Variants in AP1G1 observed in about 807,000 individuals in gnomAD.
The protein encoded by AP1G1 is AP-1 complex subunit gamma-1.
Under a neutral mutation model 108.3 loss-of-function variants are expected in AP1G1, and 7 were observed. That is an observed-to-expected ratio of 0.06 (90% CI 0.04 to 0.12). The LOEUF (loss-of-function observed/expected upper bound fraction) is 0.12, where lower values mean the gene tolerates loss of function less well. Among genes scored for constraint, AP1G1 ranks in the 10% least tolerant of loss-of-function variants. The pLI is 1.00. For missense variants in AP1G1, 756 were observed against 1,010.7 expected, an observed-to-expected ratio of 0.75 and a Z score of 3.42; for synonymous variants, 379 against 353.5, an observed-to-expected ratio of 1.07 and a Z score of -0.81.
At chr16:71,782,255 C>G (rs1335440352) in intron 2 of AP1G1, among the ~76,000 whole-genome samples, 1 of 151,978 alleles carries the variant, frequency 6.6e-6, no homozygotes, top group Non-Finnish European at 1.5e-5. Context: ...CCTCCGCCTC[C>G]CAGGTTCAAG....
intron 2 of AP1G1, among the ~76,000 whole-genome samples, chr16:71,775,272 T>C (rs1396026506): frequency 6.6e-6 from 1 of 151,376 alleles, no homozygotes; most frequent in Non-Finnish European, 1.5e-5. Flanking sequence ...CCACAGATGA[T>C]TCGCCCGCCT....
chr16:71,744,877 G>A (rs2030090194), intron 19 of AP1G1, among the ~76,000 whole-genome samples: 2 of 152,054 alleles, frequency 1.3e-5, no homozygotes, highest in Non-Finnish European at 2.9e-5. Flanking sequence ...CGCCCAGCCA[G>A]GAAAAGTAGT....
At chr16:71,758,280 C>T in intron 11 of AP1G1, 1 of 376,420 alleles carries the variant, frequency 2.7e-6, no homozygotes, top group Admixed American at 3.1e-5. Flanking sequence ...AGAATTACTC[C>T]ACTGAGGGAA....
intron 2 of AP1G1, among the ~76,000 whole-genome samples, chr16:71,789,053 A>G (rs1340443394): frequency 6.6e-6 from 1 of 152,316 alleles, no homozygotes; most frequent in East Asian, 1.9e-4. Context: ...TGCCACCATC[A>G]AAACATTCTC....
At chr16:71,733,299 C>CA (rs1403298709) in intron 22 of AP1G1, 140 bp from the exon 23 acceptor site, 1 of 651,820 alleles carries the variant, frequency 1.5e-6, no homozygotes, top group Non-Finnish European at 2.6e-6. Flanking sequence ...TAAACAACAA[C>CA]AAAAAACACC....
chr16:71,808,416 T>TGGGGC, intron 1 of AP1G1: 2 of 1,114,578 alleles, frequency 1.8e-6, no homozygotes, highest in South Asian at 3.2e-5. Context: ...CACGCGGGGG[T>TGGGGC]GGGGCCCGCC....
At chr16:71,765,824 T>C (rs1237889248) in intron 6 of AP1G1, among the ~76,000 whole-genome samples, 3 of 152,198 alleles carry the variant, frequency 2.0e-5, no homozygotes, top group Non-Finnish European at 4.4e-5. Flanking sequence ...GCAAGAGTTA[T>C]ATGTAAAGAT....
At chr16:71,739,794 A>G (rs1191442335) in intron 19 of AP1G1, among the ~76,000 whole-genome samples, 2 of 152,032 alleles carry the variant, frequency 1.3e-5, no homozygotes, top group Non-Finnish European at 2.9e-5. Context: ...ACAGGAGAAA[A>G]TGTTTGCTAT....
At chr16:71,757,806 G>A (rs2030876188) in intron 11 of AP1G1, among the ~76,000 whole-genome samples, 1 of 152,134 alleles carries the variant, frequency 6.6e-6, no homozygotes, top group South Asian at 2.1e-4. Context: ...GAGCTAGAGA[G>A]AAACAACACA....
At chr16:71,803,024 G>A (rs982354831) in intron 1 of AP1G1, among the ~76,000 whole-genome samples, 2 of 152,066 alleles carry the variant, frequency 1.3e-5, no homozygotes, top group African/African-American at 4.8e-5. Flanking sequence ...AGACCAGCCT[G>A]GCCAACGTGA....
chr16:71,782,601 C>T (rs1412164972), intron 2 of AP1G1, among the ~76,000 whole-genome samples: 1 of 151,996 alleles, frequency 6.6e-6, no homozygotes, highest in Non-Finnish European at 1.5e-5. Flanking sequence ...ATTCTCCTGC[C>T]TCAGTCTCCT....
At chr16:71,770,116 T>C (rs944212302) in intron 5 of AP1G1, among the ~76,000 whole-genome samples, 2 of 152,282 alleles carry the variant, frequency 1.3e-5, no homozygotes, top group East Asian at 3.9e-4. Context: ...ATAAAACGCA[T>C]CAAAACTCTG....
intron 12 of AP1G1, among the ~76,000 whole-genome samples, chr16:71,754,865 A>AT (rs1357188657): frequency 1.3e-5 from 2 of 152,168 alleles, no homozygotes; most frequent in African/African-American, 2.4e-5. Flanking sequence ...TAAGATTGCA[A>AT]TAAGAGTTGC....
rs1015781888 is a variant in AP1G1, at chr16:71,786,738, C to T, written c.201+2541G>A. Among the ~76,000 whole-genome samples the T allele has an allele frequency of 2.6e-5, 4 of 152,160 alleles. No individual in the cohort carries two copies. The South Asian group carries it at 6.2e-4, about 24-fold the overall frequency. ...CCTCCCAAAGTTCTGGGTGTACAGG[C>T]GTGAGCCACCGCACCCAGCCCAAAT... On this transcript the variant is annotated intron_variant, in intron 2 of 22. Transcript: ENST00000299980.
At chr16:71,779,206 T>C (rs1357281614) in intron 2 of AP1G1, among the ~76,000 whole-genome samples, 1 of 152,134 alleles carries the variant, frequency 6.6e-6, no homozygotes, top group African/African-American at 2.4e-5. Context: ...CAAACTTAAC[T>C]GGTCAGAACA....
intron 1 of AP1G1, among the ~76,000 whole-genome samples, chr16:71,797,844 C>A (rs1401885654): frequency 6.6e-6 from 1 of 151,974 alleles, no homozygotes; most frequent in Non-Finnish European, 1.5e-5. Context: ...TTTTCCCTAG[C>A]ATATTCTTCA....
chr16:71,777,683 C>T, intron 2 of AP1G1: 1 of 449,888 alleles, frequency 2.2e-6, no homozygotes, highest in Non-Finnish European at 4.6e-6. Flanking sequence ...CAGCTCGGGC[C>T]CTTCATCATC....
chr16:71,763,507 T>A (rs919910241), intron 9 of AP1G1, among the ~76,000 whole-genome samples: 1 of 152,218 alleles, frequency 6.6e-6, no homozygotes, highest in Non-Finnish European at 1.5e-5. Context: ...TGGTTAATTT[T>A]ATGTTATATA....
chr16:71,794,747 G>A (rs888808275), intron 1 of AP1G1, among the ~76,000 whole-genome samples: 2 of 145,432 alleles, frequency 1.4e-5, no homozygotes. Context: ...AAATGGTGAA[G>A]ATGGCTATTT....
Sources: gnomAD v4.1 joint callset for allele counts (sites outside exome capture counted in the v4.1 genomes callset) on GRCh38, gnomAD v4.1.1 for gene constraint, MANE v1.5 for transcripts, NCBI Gene and HGNC (gene_info 2026-07-23, HGNC 2026-07-21) for gene names.